PTPRA: variants seen among roughly 807,000 people sequenced by gnomAD.
PTPRA encodes the protein protein tyrosine phosphatase receptor type A.
PTPRA carries 25 observed loss-of-function variants against 104.8 expected under a neutral mutation model. That is an observed-to-expected ratio of 0.24 (90% CI 0.17 to 0.33). The LOEUF (loss-of-function observed/expected upper bound fraction) is 0.33. Among genes scored for constraint, PTPRA ranks in the 10% least tolerant of loss-of-function variants. PTPRA has a pLI of 1.00. For missense variants in PTPRA, 765 were observed against 1,015.3 expected, an observed-to-expected ratio of 0.75 and a Z score of 3.35; for synonymous variants, 323 against 368.9, an observed-to-expected ratio of 0.88 and a Z score of 1.43.
intron 1 of PTPRA, among the ~76,000 whole-genome samples, chr20:2,921,903 C>A (rs1172584639): frequency 2.0e-5 from 3 of 152,130 alleles, no homozygotes; most frequent in Non-Finnish European, 4.4e-5. Flanking sequence ...GATCTTTGAT[C>A]AATGTAGAGA....
intron 2 of PTPRA, among the ~76,000 whole-genome samples, chr20:2,924,350 T>G (rs1600119256): frequency 6.6e-6 from 1 of 152,080 alleles, no homozygotes; most frequent in Non-Finnish European, 1.5e-5. Context: ...TGCAGTGAGG[T>G]GAGATCACGC....
chr20:2,881,741 A>T (rs2090061561), intron 1 of PTPRA, among the ~76,000 whole-genome samples: 1 of 152,072 alleles, frequency 6.6e-6, no homozygotes, highest in African/African-American at 2.4e-5. Flanking sequence ...TGGCTCATGC[A>T]TGTAATCCCA....
intron 1 of PTPRA, among the ~76,000 whole-genome samples, chr20:2,911,791 C>G (rs1379072742): frequency 6.6e-6 from 1 of 151,840 alleles, no homozygotes; most frequent in Non-Finnish European, 1.5e-5. Context: ...ACGTACATGC[C>G]CCCTAGATTT....
At chr20:2,941,630 C>T (rs1360563631) in intron 2 of PTPRA, among the ~76,000 whole-genome samples, 2 of 152,184 alleles carry the variant, frequency 1.3e-5, no homozygotes, top group African/African-American at 4.8e-5. Flanking sequence ...CTTCTTAATG[C>T]TTATGGGACA....
intron 2 of PTPRA, among the ~76,000 whole-genome samples, chr20:2,930,648 A>C (rs558436050): frequency 2.0e-5 from 3 of 152,240 alleles, no homozygotes; most frequent in South Asian, 4.1e-4. Flanking sequence ...TGATCACTCA[A>C]ATCCTCTTTC....
At chr20:2,972,524 C>T (rs2148004400) in intron 5 of PTPRA, among the ~76,000 whole-genome samples, 1 of 152,328 alleles carries the variant, frequency 6.6e-6, no homozygotes, top group Non-Finnish European at 1.5e-5. Flanking sequence ...GTTCCTGTAA[C>T]AAGCTGTTGC....
chr20:3,004,954 GA>G (rs1268051599), intron 9 of PTPRA, 101 bp from the exon 10 acceptor site: 4 of 1,046,954 alleles, frequency 3.8e-6, no homozygotes, highest in Non-Finnish European at 4.3e-6. Context: ...TTCCCCCCAG[GA>G]AAAGGTAGAA....
chr20:2,977,636 C>T (rs1004065244), intron 6 of PTPRA, among the ~76,000 whole-genome samples: 28 of 151,030 alleles, frequency 1.9e-4, no homozygotes, highest in Non-Finnish European at 3.4e-4. Context: ...CAGAGCAAGA[C>T]TCTGTCTCAA....
chr20:2,942,260 G>T (rs2060948755), intron 2 of PTPRA, among the ~76,000 whole-genome samples: 1 of 152,120 alleles, frequency 6.6e-6, no homozygotes, highest in African/African-American at 2.4e-5. Context: ...AGCCTTACTT[G>T]ATCAGGTTGT....
intron 1 of PTPRA, among the ~76,000 whole-genome samples, chr20:2,907,596 A>G (rs965726344): frequency 6.2e-4 from 94 of 152,336 alleles, no homozygotes; most frequent in African/African-American, 2.1e-3. Flanking sequence ...ACCATTATCA[A>G]TGATAACGTA....
rs150716088 is a variant in PTPRA, at chr20:2,969,309, G to A, written c.415+4107G>A. On this transcript the variant is annotated intron_variant, in intron 5 of 23. Coordinates refer to ENST00000399903, the MANE Select transcript of PTPRA (RefSeq NM_001385305.1). ...GTCGCCCAGTCTGGAGTGCAATGGC[G>A]CAGTCTCGGCATACTGCAAACTCTG... Among the ~76,000 whole-genome samples, 493 of 150,934 alleles carry A rather than the reference G, an allele frequency of 3.3e-3. 3 individuals are homozygous for A. The highest frequency in any genetic ancestry group is 0.011 in the African/African-American group (472 of 41,118).
the PTPRA span, chr20:2,865,900 CAA>C: frequency 8.3e-6 from 4 of 479,464 alleles, no homozygotes; most frequent in East Asian, 1.2e-4. The surrounding 1 kb of genome is among the most constrained non-coding windows in gnomAD (Gnocchi z 5.2). Flanking sequence ...ATGTCAATCA[CAA>C]GAGAACACAG....
At chr20:3,017,726 C>A in intron 12 of PTPRA, 90 bp from the exon 13 acceptor site, 1 of 1,101,304 alleles carries the variant, frequency 9.1e-7, no homozygotes, top group Non-Finnish European at 1.4e-6. Context: ...TGGGCACAAG[C>A]TTCCAAAAGT....
upstream of PTPRA, among the ~76,000 whole-genome samples, chr20:2,868,650 T>G (rs968719834): frequency 2.7e-5 from 2 of 72,764 alleles, no homozygotes; most frequent in African/African-American, 6.8e-5. Flanking sequence ...TTTTTTTTTG[T>G]CCCCAGTCTT....
At chr20:2,938,294 C>T (rs2060781454) in intron 2 of PTPRA, among the ~76,000 whole-genome samples, 2 of 152,106 alleles carry the variant, frequency 1.3e-5, no homozygotes, top group African/African-American at 4.8e-5. Context: ...AAGCAATTCT[C>T]CTGCGTCAGC....
At chr20:2,912,668 T>A (rs1161008391) in intron 1 of PTPRA, among the ~76,000 whole-genome samples, 2 of 152,180 alleles carry the variant, frequency 1.3e-5, no homozygotes, top group African/African-American at 4.8e-5. Flanking sequence ...ATGAAAAAGC[T>A]CTTTAATTTT....
intron 2 of PTPRA, among the ~76,000 whole-genome samples, chr20:2,945,294 T>A (rs564950740): frequency 1.3e-5 from 2 of 152,204 alleles, no homozygotes; most frequent in Non-Finnish European, 2.9e-5. Flanking sequence ...GACACTGTAG[T>A]TTTAAAATTA....
At chr20:2,952,238 G>T (rs1395996821) in intron 3 of PTPRA, among the ~76,000 whole-genome samples, 1 of 152,082 alleles carries the variant, frequency 6.6e-6, no homozygotes, top group Non-Finnish European at 1.5e-5. Flanking sequence ...ACTTGGTATA[G>T]CTGATCTTTT....
At chr20:2,991,570 C>G (rs1320744328) in intron 9 of PTPRA, among the ~76,000 whole-genome samples, 1 of 152,128 alleles carries the variant, frequency 6.6e-6, no homozygotes, top group Middle Eastern at 3.2e-3. Context: ...TTTACATAAG[C>G]ATGAAACGAA....
Sources: allele counts gnomAD v4.1 joint callset (sites outside exome capture counted in the v4.1 genomes callset), GRCh38; gene constraint gnomAD v4.1.1; non-coding constraint Gnocchi (gnomAD v3.1); transcripts MANE v1.5; gene names NCBI Gene and HGNC (gene_info 2026-07-23, HGNC 2026-07-21).